Variants in KIAA0586 observed in about 807,000 individuals in gnomAD.
KIAA0586 encodes KIAA0586.
In KIAA0586, 144 loss-of-function variants were observed where a neutral mutation model predicts 169.8. The ratio of observed to expected loss-of-function variants is 0.85; its 90% confidence interval spans 0.74 to 0.97. KIAA0586 has a LOEUF of 0.97. Ranked by LOEUF, KIAA0586 falls within the 50% of genes least tolerant of loss-of-function variation. The pLI is 0.00. For missense variants in KIAA0586, 1,854 were observed against 1,823.0 expected, an observed-to-expected ratio of 1.02 and a Z score of -0.31; for synonymous variants, 625 against 612.4, an observed-to-expected ratio of 1.02 and a Z score of -0.30.
chr14:58,438,763 A>T (rs2038042819), intron 4 of KIAA0586, among the ~76,000 whole-genome samples: 2 of 152,142 alleles, frequency 1.3e-5, no homozygotes, highest in Admixed American at 1.3e-4. Flanking sequence ...ACCTTAAAGG[A>T]GGAGAAGGAT....
At chr14:58,508,765 C>A in intron 28 of KIAA0586, 56 bp downstream of exon 28, 1 of 1,404,346 alleles carries the variant, frequency 7.1e-7, no homozygotes, top group South Asian at 1.3e-5. Flanking sequence ...AACACTGTTG[C>A]CTTAGCGTGG....
Position 58,444,106 on chromosome 14 carries a change from A to G in KIAA0586, c.738A>G (p.Gln246=). The G allele has an allele frequency of 1.9e-6, 3 of 1,613,770 alleles. No homozygotes were observed. Among genetic ancestry groups the G allele is most frequent in the Non-Finnish European group, 2.5e-6 (3 of 1,179,758 alleles). ...TACATTGTCATGATCACGAAAAGCA[A>G]ATGAATGTGTTTATGGAGCAGCACA... The part of the protein sequence containing the change: ...EKLHCHDHEK[Q]MNVFMEQHIR... Residue 246 remains glutamine, a synonymous_variant, in exon 6 of 31, where the codon CAA becomes CAG. Coordinates refer to ENST00000652326, the MANE Select transcript of KIAA0586 (RefSeq NM_001329943.3).
intron 29 of KIAA0586, among the ~76,000 whole-genome samples, chr14:58,525,877 GA>G (rs1196013372): frequency 1.3e-5 from 2 of 152,216 alleles, no homozygotes; most frequent in African/African-American, 4.8e-5. Context: ...TTGGTCGGGG[GA>G]GGGGCGTCCG....
intron 18 of KIAA0586, among the ~76,000 whole-genome samples, chr14:58,473,456 G>C (rs1182393329): frequency 6.6e-6 from 1 of 152,056 alleles, no homozygotes; most frequent in African/African-American, 2.4e-5. Flanking sequence ...TAACTCTATT[G>C]GTTATGATGT....
intron 23 of KIAA0586, 67 bp from the exon 24 acceptor site, chr14:58,488,554 T>C (rs2042626066): frequency 2.1e-5 from 32 of 1,546,930 alleles, no homozygotes; most frequent in Non-Finnish European, 2.5e-5. Flanking sequence ...GAGTCTGTTT[T>C]TTATATCAAA....
At chr14:58,499,101 A>C (rs2043367789) in intron 27 of KIAA0586, 141 bp downstream of exon 27, 1 of 702,244 alleles carries the variant, frequency 1.4e-6, no homozygotes, top group East Asian at 2.8e-5. Flanking sequence ...TTTGGTGATA[A>C]CTTTTTTTAT....
intron 4 of KIAA0586, chr14:58,439,731 C>A: frequency 1.8e-6 from 1 of 554,776 alleles, no homozygotes; most frequent in Non-Finnish European, 2.3e-6. Flanking sequence ...CATTTTGAGA[C>A]TGAGAGAAAA....
At chr14:58,473,542 A>G (rs989893379) in intron 18 of KIAA0586, among the ~76,000 whole-genome samples, 1 of 152,208 alleles carries the variant, frequency 6.6e-6, no homozygotes, top group African/African-American at 2.4e-5. Context: ...ATAAGAGCAA[A>G]AAGTGATTTT....
intron 4 of KIAA0586, among the ~76,000 whole-genome samples, chr14:58,432,717 C>A (rs1407557427): frequency 2.6e-5 from 4 of 152,180 alleles, no homozygotes; most frequent in South Asian, 2.1e-4. Flanking sequence ...TCCCCATTTT[C>A]TTTTATTTAT....
At chr14:58,513,827 A>G (rs954853247) in intron 29 of KIAA0586, among the ~76,000 whole-genome samples, 1 of 152,054 alleles carries the variant, frequency 6.6e-6, no homozygotes, top group Non-Finnish European at 1.5e-5. Flanking sequence ...GGCATTACAA[A>G]TGAATTTCAT....
At chr14:58,519,325 A>G (rs2045015298) in intron 29 of KIAA0586, among the ~76,000 whole-genome samples, 1 of 152,144 alleles carries the variant, frequency 6.6e-6, no homozygotes, top group South Asian at 2.1e-4. Context: ...TTGCATCCTC[A>G]ACCTCCTGGG....
intron 20 of KIAA0586, among the ~76,000 whole-genome samples, chr14:58,481,890 T>C (rs976517360): frequency 1.3e-5 from 2 of 151,150 alleles, no homozygotes; most frequent in African/African-American, 2.4e-5. Flanking sequence ...CTCAGCTCAC[T>C]GCAAGCTCCA....
chr14:58,519,882 G>C (rs962965602), intron 29 of KIAA0586, among the ~76,000 whole-genome samples: 14 of 152,164 alleles, frequency 9.2e-5, no homozygotes, highest in Admixed American at 8.5e-4. Context: ...AGAGAAAAAT[G>C]AGAATATTTC....
intron 9 of KIAA0586, among the ~76,000 whole-genome samples, chr14:58,454,728 C>T (rs551993531): frequency 6.6e-5 from 10 of 152,260 alleles, no homozygotes; most frequent in South Asian, 4.1e-4. Context: ...AGGTGCTGGC[C>T]GGGTTGGTTT....
intron 30 of KIAA0586, among the ~76,000 whole-genome samples, chr14:58,546,442 A>G (rs1341045183): frequency 6.6e-6 from 1 of 152,230 alleles, no homozygotes; most frequent in Non-Finnish European, 1.5e-5. Flanking sequence ...ATTCTATGTT[A>G]TTACTGTAGA....
intron 4 of KIAA0586, among the ~76,000 whole-genome samples, chr14:58,441,499 C>A (rs973273170): frequency 9.9e-5 from 15 of 152,020 alleles, no homozygotes; most frequent in African/African-American, 3.6e-4. Flanking sequence ...CTGCACCTGG[C>A]CGATAATGTT....
At chr14:58,439,885 C>A in intron 4 of KIAA0586, 1 of 939,834 alleles carries the variant, frequency 1.1e-6, no homozygotes. Context: ...CTTAGGGACT[C>A]TTCAGTTTTG....
intron 7 of KIAA0586, among the ~76,000 whole-genome samples, chr14:58,449,521 C>T (rs1388800687): frequency 6.6e-6 from 1 of 151,816 alleles, no homozygotes; most frequent in Non-Finnish European, 1.5e-5. Context: ...AGAGCAAGAC[C>T]CTGTTTCAAA....
chr14:58,435,240 A>AT (rs2037726616), intron 4 of KIAA0586, among the ~76,000 whole-genome samples: 1 of 152,250 alleles, frequency 6.6e-6, no homozygotes, highest in Non-Finnish European at 1.5e-5. Context: ...TTCATGATCT[A>AT]TTAATACATT....
Sources: gnomAD v4.1 joint callset for allele counts (sites outside exome capture counted in the v4.1 genomes callset) on GRCh38, gnomAD v4.1.1 for gene constraint, MANE v1.5 for transcripts, NCBI Gene and HGNC (gene_info 2026-07-23, HGNC 2026-07-21) for gene names.